Variants in PTPRG observed in about 807,000 individuals in gnomAD.
PTPRG encodes receptor-type tyrosine-protein phosphatase gamma.
In PTPRG, 102 loss-of-function variants were observed where a neutral mutation model predicts 165.3. The ratio of observed to expected loss-of-function variants is 0.62; its 90% CI spans 0.53 to 0.73. PTPRG has a LOEUF of 0.73. PTPRG is among the 30% of genes least tolerant of loss of function. The probability of loss-of-function intolerance (pLI) is 0.00; values close to 1 mark genes in which losing one functional copy is unlikely to be tolerated. For synonymous variants in PTPRG, 675 were observed against 669.5 expected, an observed-to-expected ratio of 1.01 and a Z score of -0.13; for missense variants, 1,866 against 1,861.4, an observed-to-expected ratio of 1.00 and a Z score of -0.05.
At chr3:62,264,336 G>C (rs1204957885) in intron 17 of PTPRG, among the ~76,000 whole-genome samples, 1 of 151,898 alleles carries the variant, frequency 6.6e-6, no homozygotes, top group African/African-American at 2.4e-5. Flanking sequence ...ATTTCCTAGG[G>C]TATACAACTC....
At chr3:61,989,407 T>C (rs927367203) in intron 2 of PTPRG, among the ~76,000 whole-genome samples, 2 of 152,242 alleles carry the variant, frequency 1.3e-5, no homozygotes, top group African/African-American at 4.8e-5. Context: ...TTAGCAAATG[T>C]TTGATTGTAA....
rs540154009 is a variant in PTPRG at position 62,193,848 on chromosome 3, C to T, written c.1219-1214C>T. 2.0e-5 allele frequency among the ~76,000 whole-genome samples: 3 copies of T among 152,314 alleles called. No homozygotes were observed. In the East Asian group the frequency reaches 5.8e-4, roughly 29 times the overall value. On this transcript the variant is annotated intron_variant, in intron 9 of 29. Coordinates refer to ENST00000474889, the MANE Select transcript of PTPRG (RefSeq NM_002841.4). ...TCACAGAGCTGCTTCTATACTTGGC[C>T]CAGAACACATGCTTTGATGATAAGA...
chr3:62,204,289 A>G (rs140717213), intron 12 of PTPRG, among the ~76,000 whole-genome samples: 1,774 of 152,288 alleles, frequency 0.012, 15 homozygotes, highest in Middle Eastern at 0.041. Flanking sequence ...TTCCATATTC[A>G]TTATATAATG....
intron 8 of PTPRG, among the ~76,000 whole-genome samples, chr3:62,188,893 G>T (rs929081815): frequency 3.9e-5 from 6 of 152,134 alleles, no homozygotes; most frequent in African/African-American, 1.2e-4. Flanking sequence ...GTACATCTCG[G>T]TTCGTTATTA....
At chr3:62,045,449 T>A (rs1043494214) in intron 4 of PTPRG, among the ~76,000 whole-genome samples, 1 of 152,204 alleles carries the variant, frequency 6.6e-6, no homozygotes, top group Non-Finnish European at 1.5e-5. Context: ...AGTTTTCTCC[T>A]CGCTGTACAT....
chr3:61,636,168 T>C (rs1701903126), intron 1 of PTPRG, among the ~76,000 whole-genome samples: 1 of 152,218 alleles, frequency 6.6e-6, no homozygotes, highest in African/African-American at 2.4e-5. Context: ...CAGTTGCTTT[T>C]TTTCCCTTTT....
chr3:62,293,051 G>A, intron 29 of PTPRG, 110 bp from the exon 30 acceptor site: 1 of 908,720 alleles, frequency 1.1e-6, no homozygotes, highest in Non-Finnish European at 1.6e-6. Flanking sequence ...TTATGCTATT[G>A]CTGTTTCTCT....
intron 1 of PTPRG, among the ~76,000 whole-genome samples, chr3:61,632,360 A>G (rs181719328): frequency 1.3e-5 from 2 of 152,316 alleles, no homozygotes; most frequent in African/African-American, 4.8e-5. Flanking sequence ...AGAGGAAGTT[A>G]TAAGGCACAT....
chr3:61,952,335 C>T (rs2107626301), intron 2 of PTPRG, among the ~76,000 whole-genome samples: 1 of 152,068 alleles, frequency 6.6e-6, no homozygotes, highest in Admixed American at 6.6e-5. Context: ...GGTTTGTGAG[C>T]TGGGAGTGAC....
intron 2 of PTPRG, among the ~76,000 whole-genome samples, chr3:61,889,925 G>A (rs1366317968): frequency 6.6e-6 from 1 of 152,194 alleles, no homozygotes; most frequent in Non-Finnish European, 1.5e-5. Context: ...AAACAAGAAT[G>A]TCAGAGAAAC....
At chr3:62,067,443 A>T (rs1575960411) in intron 4 of PTPRG, among the ~76,000 whole-genome samples, 1 of 151,826 alleles carries the variant, frequency 6.6e-6, no homozygotes, top group East Asian at 1.9e-4. Context: ...TTTTCCACGG[A>T]CCTTGTCCAT....
chr3:61,716,181 C>T (rs2031798627), intron 1 of PTPRG, among the ~76,000 whole-genome samples: 2 of 152,188 alleles, frequency 1.3e-5, no homozygotes, highest in African/African-American at 2.4e-5. Flanking sequence ...TTGGGGATCA[C>T]GTCACAACTC....
In PTPRG at chr3:62,190,947, T is replaced by C. The variant is rs981566732; in HGVS notation, c.1034-522T>C. Among the ~76,000 whole-genome samples, 1 of 152,234 alleles carries C rather than the reference T, an allele frequency of 6.6e-6. No homozygotes were observed. Among genetic ancestry groups the C allele is most frequent in the Non-Finnish European group, 1.5e-5 (1 of 68,038 alleles). Reference sequence around the variant, plus strand: ...TTTCTTTCATGTGAAACTGGTATTATGGTTACATAGGAGAGTGTCCTCAAT... The same window carrying C: ...TTTCTTTCATGTGAAACTGGTATTACGGTTACATAGGAGAGTGTCCTCAAT... On this transcript the variant is annotated intron_variant, in intron 8 of 29. Coordinates refer to ENST00000474889, the MANE Select transcript of PTPRG (RefSeq NM_002841.4). The surrounding 1 kb of genome is among the most constrained non-coding windows in gnomAD (Gnocchi z 5.2).
At chr3:62,020,263 A>T (rs1247512758) in intron 4 of PTPRG, among the ~76,000 whole-genome samples, 1 of 152,190 alleles carries the variant, frequency 6.6e-6, no homozygotes. Context: ...TAATTTTCCT[A>T]CTTGTACCTT....
intron 5 of PTPRG, among the ~76,000 whole-genome samples, chr3:62,103,614 G>A (rs1702368639): frequency 6.6e-6 from 1 of 152,196 alleles, no homozygotes; most frequent in African/African-American, 2.4e-5. Flanking sequence ...TTCTCCTACA[G>A]ATAGATCCTC....
At position 61,801,498 on chromosome 3, in the gene PTPRG, G is replaced by C. The variant is rs191717727; in HGVS notation, c.190+52516G>C. 4.6e-5 allele frequency among the ~76,000 whole-genome samples: 7 copies of C among 152,008 alleles called. No individual in the cohort carries two copies. In the East Asian group the frequency reaches 1.2e-3, roughly 25 times the overall value. ...ATACATAGAAGAGGGGTGGAGGGGGGAAGAAAGGGGAGGAGAAGATGAGGG... is the reference window on the plus strand; with the variant it reads ...ATACATAGAAGAGGGGTGGAGGGGGCAAGAAAGGGGAGGAGAAGATGAGGG... On this transcript the variant is annotated intron_variant, in intron 2 of 29. Coordinates refer to ENST00000474889, the MANE Select transcript of PTPRG (RefSeq NM_002841.4).
intron 2 of PTPRG, among the ~76,000 whole-genome samples, chr3:61,843,602 A>G (rs537544025): frequency 1.3e-5 from 2 of 152,318 alleles, no homozygotes; most frequent in African/African-American, 4.8e-5. Flanking sequence ...TAGATTCTAC[A>G]GTCTTTCTCA....
chr3:62,043,172 T>C (rs1700181769), intron 4 of PTPRG, among the ~76,000 whole-genome samples: 2 of 152,208 alleles, frequency 1.3e-5, no homozygotes, highest in Admixed American at 1.3e-4. Flanking sequence ...TCACATAAAA[T>C]TATCTCAACA....
intron 1 of PTPRG, among the ~76,000 whole-genome samples, chr3:61,745,656 C>T (rs949514187): frequency 6.6e-6 from 1 of 152,224 alleles, no homozygotes; most frequent in Non-Finnish European, 1.5e-5. Context: ...TTACTTCTGT[C>T]TTAAGTGAAT....
Sources: allele counts gnomAD v4.1 joint callset (sites outside exome capture counted in the v4.1 genomes callset), GRCh38; gene constraint gnomAD v4.1.1; non-coding constraint Gnocchi (gnomAD v3.1); transcripts MANE v1.5; gene names NCBI Gene and HGNC (gene_info 2026-07-23, HGNC 2026-07-21).